Variants in FOXP1 observed in about 807,000 individuals in gnomAD.
FOXP1 encodes the protein forkhead box protein P1.
In FOXP1, 15 loss-of-function variants were observed where a neutral mutation model predicts 98.2. That is an observed-to-expected ratio of 0.15 (90% CI 0.10 to 0.24). The LOEUF is 0.24. Among genes scored for constraint, FOXP1 ranks in the 10% least tolerant of loss-of-function variants. FOXP1 has a pLI of 1.00. For missense variants in FOXP1, 633 were observed against 848.5 expected (o/e 0.75, Z 3.15); for synonymous variants, 371 against 314.5 (o/e 1.18, Z -1.90).
chr3:71,401,465 A>G (rs1191209389), intron 3 of FOXP1, among the ~76,000 whole-genome samples: 1 of 152,206 alleles, frequency 6.6e-6, no homozygotes, highest in African/African-American at 2.4e-5. Context: ...CAAGAGACAG[A>G]TCTACATATC....
At chr3:70,974,473 A>AT (rs202190884) in intron 17 of FOXP1, among the ~76,000 whole-genome samples, 5,321 of 151,928 alleles carry the variant, frequency 0.035, 176 homozygotes, top group East Asian at 0.088. Flanking sequence ...AATTTTAAAA[A>AT]TTTTTTGTAG....
At chr3:71,101,380 T>C (rs2056943980) in intron 7 of FOXP1, among the ~76,000 whole-genome samples, 1 of 151,814 alleles carries the variant, frequency 6.6e-6, no homozygotes, top group Non-Finnish European at 1.5e-5. Context: ...TGCACTGAAA[T>C]TAAAGGGGAT....
intron 3 of FOXP1, among the ~76,000 whole-genome samples, chr3:71,393,554 G>A (rs796492387): frequency 9.2e-5 from 14 of 152,134 alleles, no homozygotes; most frequent in African/African-American, 2.7e-4. Context: ...ACCAAATTCC[G>A]TTAAAAATAG....
At chr3:71,096,980 C>A (rs2056519031) in intron 7 of FOXP1, among the ~76,000 whole-genome samples, 1 of 152,050 alleles carries the variant, frequency 6.6e-6, no homozygotes, top group South Asian at 2.1e-4. Context: ...CACCTCTGCG[C>A]AAATGAAAAA....
intron 20 of FOXP1, among the ~76,000 whole-genome samples, chr3:70,960,903 G>T (rs886231825): frequency 1.4e-5 from 2 of 146,392 alleles, no homozygotes; most frequent in Non-Finnish European, 3.0e-5. Context: ...GTGCAGTGGC[G>T]TGATCTTGGC....
chr3:71,355,607 G>A (rs567692956), intron 4 of FOXP1, among the ~76,000 whole-genome samples: 2 of 152,222 alleles, frequency 1.3e-5, no homozygotes, highest in Admixed American at 1.3e-4. Context: ...AAACCACGCG[G>A]CAAAAGCTCG....
In FOXP1 at chr3:71,064,884, C is replaced by A. The variant is rs1339639691; in HGVS notation, c.283-11111G>T. 20 of 912,394 alleles carry A rather than the reference C, an allele frequency of 2.2e-5. No homozygotes were observed. The South Asian group carries it at 1.0e-3, about 46-fold the overall frequency. 56.5% of individuals were successfully genotyped at this position (912,394 alleles called of 1,614,324 possible). On this transcript the variant is annotated intron_variant, in intron 7 of 20. Coordinates refer to ENST00000649528, the MANE Select transcript of FOXP1 (RefSeq NM_001349338.3). ...CCGGGCTCGGGGCGCCCGCGCGGGC[C>A]GGGCGTGGGGTCCGGCGGCCTCGGC...
intron 4 of FOXP1, among the ~76,000 whole-genome samples, chr3:71,303,186 T>G (rs563475689): frequency 6.6e-6 from 1 of 152,328 alleles, no homozygotes; most frequent in Non-Finnish European, 1.5e-5. Flanking sequence ...ATTATCTGCA[T>G]TAAGATTTCT....
At chr3:71,239,372 G>A (rs898652496) in intron 5 of FOXP1, among the ~76,000 whole-genome samples, 3 of 151,942 alleles carry the variant, frequency 2.0e-5, no homozygotes, top group African/African-American at 4.8e-5. Context: ...GTGAAACCCC[G>A]TCTCTACTAA....
chr3:71,452,330 AG>A (rs372062831), intron 3 of FOXP1, among the ~76,000 whole-genome samples: 1 of 152,124 alleles, frequency 6.6e-6, no homozygotes, highest in Admixed American at 6.5e-5. Context: ...CCATGCCAAG[AG>A]GGGGAAATGG....
intron 6 of FOXP1, among the ~76,000 whole-genome samples, chr3:71,184,570 T>C (rs1209734048): frequency 6.6e-6 from 1 of 152,158 alleles, no homozygotes; most frequent in Non-Finnish European, 1.5e-5. Flanking sequence ...ACATTTTAAA[T>C]ACCTGAGAAA....
chr3:71,252,181 A>G (rs1391348256), intron 5 of FOXP1, among the ~76,000 whole-genome samples: 5 of 152,162 alleles, frequency 3.3e-5, no homozygotes, highest in South Asian at 4.2e-4. Flanking sequence ...TTTAAATGCA[A>G]CCATGTAGGA....
At position 71,089,181 on chromosome 3, in the gene FOXP1, C is replaced by A. The variant is rs1446386737; in HGVS notation, c.282+23355G>T. Among the ~76,000 whole-genome samples the A allele has an allele frequency of 2.0e-5, 3 of 152,204 alleles. No homozygotes were observed. In the South Asian group the frequency reaches 6.2e-4, roughly 32 times the overall value. On this transcript the variant is annotated intron_variant, in intron 7 of 20. Coordinates refer to ENST00000649528, the MANE Select transcript of FOXP1 (RefSeq NM_001349338.3). Reference sequence around the variant, plus strand: ...CTTCCAACACCATGTCAGGGCCGGTCTCTGTGACCAATAAATATGGCAGAA... The same window carrying A: ...CTTCCAACACCATGTCAGGGCCGGTATCTGTGACCAATAAATATGGCAGAA...
At chr3:71,188,407 A>AT (rs11321568) in intron 6 of FOXP1, among the ~76,000 whole-genome samples, 52 of 144,064 alleles carry the variant, frequency 3.6e-4, no homozygotes, top group African/African-American at 6.6e-4. Flanking sequence ...TTTTTTCTTT[A>AT]TTTTTTTTTT....
intron 2 of FOXP1, among the ~76,000 whole-genome samples, chr3:71,536,871 C>T (rs1205792249): frequency 6.6e-6 from 1 of 152,094 alleles, no homozygotes. Context: ...TATATAGTGT[C>T]CCATTTTCCC....
At chr3:71,555,703 G>T (rs922271506) in intron 2 of FOXP1, among the ~76,000 whole-genome samples, 2 of 152,056 alleles carry the variant, frequency 1.3e-5, no homozygotes, top group African/African-American at 4.8e-5. Context: ...ACTTAATATT[G>T]CTTCTCAGTG....
chr3:71,218,964 A>G (rs928040633), intron 5 of FOXP1, among the ~76,000 whole-genome samples: 2 of 152,218 alleles, frequency 1.3e-5, no homozygotes, highest in East Asian at 1.9e-4. Context: ...TAAAAGAGCC[A>G]CAAATTTTGC....
intron 6 of FOXP1, among the ~76,000 whole-genome samples, chr3:71,163,262 T>C (rs2061232848): frequency 6.6e-6 from 1 of 152,230 alleles, no homozygotes; most frequent in African/African-American, 2.4e-5. Flanking sequence ...GTGAAATTAA[T>C]GTTAAATACT....
intron 5 of FOXP1, among the ~76,000 whole-genome samples, chr3:71,267,698 A>G (rs962535813): frequency 1.2e-4 from 18 of 152,242 alleles, no homozygotes; most frequent in African/African-American, 4.3e-4. Context: ...CACTTCTGGT[A>G]GACAGGGTTA....
Sources: gnomAD v4.1 joint callset for allele counts (sites outside exome capture counted in the v4.1 genomes callset) on GRCh38, gnomAD v4.1.1 for gene constraint, MANE v1.5 for transcripts, NCBI Gene and HGNC (gene_info 2026-07-23, HGNC 2026-07-21) for gene names.